Variants in ZNF503 observed in about 807,000 individuals in gnomAD.
ZNF503 encodes the protein NocA-like zinc finger 2.
A neutral mutation model predicts 34.4 loss-of-function variants in ZNF503; 15 were observed. The observed-to-expected ratio is 0.44, with a 90% CI of 0.29 to 0.67. The LOEUF (loss-of-function observed/expected upper bound fraction) is 0.67. Among genes scored for constraint, ZNF503 ranks in the 30% least tolerant of loss-of-function variants. The pLI is 0.13. For missense variants in ZNF503, 1,007 were observed against 926.8 expected, an observed-to-expected ratio of 1.09 and a Z score of -1.12; for synonymous variants, 580 against 456.8, an observed-to-expected ratio of 1.27 and a Z score of -3.44.
chr10:75,393,574 A>C (rs1192006552), downstream of ZNF503, among the ~76,000 whole-genome samples: 1 of 152,194 alleles, frequency 6.6e-6, no homozygotes, highest in African/African-American at 2.4e-5. Flanking sequence ...CCATTAATAA[A>C]TAGGCTGGGC....
chr10:75,363,737 C>G, the ZNF503 span, among the ~76,000 whole-genome samples: 1 of 152,208 alleles, frequency 6.6e-6, no homozygotes, highest in African/African-American at 2.4e-5. Flanking sequence ...AACCTGTTTA[C>G]AGTGACCAGA....
the ZNF503 span, among the ~76,000 whole-genome samples, chr10:75,345,389 C>A: frequency 2.0e-5 from 3 of 151,986 alleles, no homozygotes; most frequent in East Asian, 5.8e-4. Context: ...GTAATCCCAG[C>A]ACTTTGGGAG....
chr10:75,298,387 C>T, the ZNF503 span, among the ~76,000 whole-genome samples: 4 of 152,226 alleles, frequency 2.6e-5, no homozygotes, highest in East Asian at 7.7e-4. Flanking sequence ...AATCACTACT[C>T]TCCTTTCTGT....
the ZNF503 span, among the ~76,000 whole-genome samples, chr10:75,385,564 CA>C: frequency 2.0e-5 from 3 of 152,178 alleles, no homozygotes; most frequent in African/African-American, 7.2e-5. Flanking sequence ...AGAACACTCC[CA>C]CATGGCCTGT....
chr10:75,369,958 T>C, the ZNF503 span, among the ~76,000 whole-genome samples: 2 of 152,012 alleles, frequency 1.3e-5, no homozygotes, highest in African/African-American at 4.8e-5. Context: ...TTCCAGCTAC[T>C]CGGGAGGCTG....
chr10:75,366,539 CCT>C, the ZNF503 span, among the ~76,000 whole-genome samples: 4 of 152,228 alleles, frequency 2.6e-5, no homozygotes, highest in African/African-American at 9.6e-5. Flanking sequence ...AACCGCTCTG[CCT>C]CTGTGTCCCC....
the ZNF503 span, among the ~76,000 whole-genome samples, chr10:75,291,652 A>G: frequency 6.6e-6 from 1 of 152,160 alleles, no homozygotes; most frequent in Non-Finnish European, 1.5e-5. Flanking sequence ...AGGCTAGCTC[A>G]TCTTAAACTT....
the ZNF503 span, chr10:75,361,113 G>A: frequency 6.6e-6 from 1 of 152,232 alleles, no homozygotes; most frequent in Admixed American, 6.5e-5. Flanking sequence ...AGACAATATA[G>A]GATGGGCTTT....
chr10:75,346,038 G>T, the ZNF503 span, among the ~76,000 whole-genome samples: 1 of 152,228 alleles, frequency 6.6e-6, no homozygotes, highest in African/African-American at 2.4e-5. Context: ...GTTCAGTTCT[G>T]TCTGCATCTG....
At chr10:75,390,397 CT>C in the ZNF503 span, among the ~76,000 whole-genome samples, 1 of 150,526 alleles carries the variant, frequency 6.6e-6, no homozygotes, top group Admixed American at 6.6e-5. Flanking sequence ...CTTCCTCCCC[CT>C]CCTCCTCTTC....
At chr10:75,396,127 C>T (rs1044701577), downstream of ZNF503, among the ~76,000 whole-genome samples, 2 of 152,224 alleles carry the variant, frequency 1.3e-5, no homozygotes, top group Admixed American at 1.3e-4. This position sits in a 1 kb window ranked among gnomAD's most constrained non-coding sequence, Gnocchi z 4.4. Flanking sequence ...CCGCCACGCG[C>T]TCCCGCCCTC....
chr10:75,312,510 G>A, the ZNF503 span, among the ~76,000 whole-genome samples: 1 of 152,056 alleles, frequency 6.6e-6, no homozygotes, highest in Non-Finnish European at 1.5e-5. Context: ...CTAACATTCA[G>A]GATACCAGAA....
chr10:75,362,995 G>T, the ZNF503 span, among the ~76,000 whole-genome samples: 5 of 152,110 alleles, frequency 3.3e-5, no homozygotes, highest in African/African-American at 9.7e-5. Flanking sequence ...TGCAAGGAAG[G>T]GTTTAAGTGT....
At chr10:75,294,606 C>T in the ZNF503 span, among the ~76,000 whole-genome samples, 1 of 152,136 alleles carries the variant, frequency 6.6e-6, no homozygotes, top group South Asian at 2.1e-4. Context: ...ACGGACGTGG[C>T]CCAGACCTCA....
the ZNF503 span, among the ~76,000 whole-genome samples, chr10:75,348,642 GC>G: frequency 1.3e-5 from 2 of 150,720 alleles, no homozygotes; most frequent in African/African-American, 4.9e-5. Context: ...CTCCCCAGCA[GC>G]TGGGACTACA....
chr10:75,288,362 A>G, the ZNF503 span: 2 of 152,758 alleles, frequency 1.3e-5, no homozygotes, highest in Non-Finnish European at 2.9e-5. Flanking sequence ...GGACCTGGGC[A>G]GCAGGTGAAG....
downstream of ZNF503, among the ~76,000 whole-genome samples, chr10:75,396,990 C>T (rs969275440): frequency 2.4e-4 from 36 of 152,340 alleles, no homozygotes; most frequent in African/African-American, 8.7e-4. The surrounding 1 kb of genome is among the most constrained non-coding windows in gnomAD (Gnocchi z 4.4). Flanking sequence ...TTCTGCAGAG[C>T]GGAGCCCTAG....
At chr10:75,356,150 T>C in the ZNF503 span, among the ~76,000 whole-genome samples, 1 of 151,846 alleles carries the variant, frequency 6.6e-6, no homozygotes, top group Non-Finnish European at 1.5e-5. Flanking sequence ...TTTCAAGGAG[T>C]GGGGATGTCA....
At chr10:75,292,115 G>A in the ZNF503 span, among the ~76,000 whole-genome samples, 1 of 152,364 alleles carries the variant, frequency 6.6e-6, no homozygotes, top group Middle Eastern at 3.4e-3. Flanking sequence ...GGCATGAGGG[G>A]TGAGGTCACA....
Sources: gnomAD v4.1 joint callset for allele counts (sites outside exome capture counted in the v4.1 genomes callset) on GRCh38, gnomAD v4.1.1 for gene constraint, Gnocchi (gnomAD v3.1) non-coding constraint, MANE v1.5 for transcripts, NCBI Gene and HGNC (gene_info 2026-07-23, HGNC 2026-07-21) for gene names.